DCAF10: variants seen among roughly 807,000 people sequenced by gnomAD.
DCAF10 encodes the protein DDB1 and CUL4 associated factor 10, also known as DDB1- and CUL4-associated factor 10.
DCAF10 carries 19 observed loss-of-function variants against 51.9 expected under a neutral mutation model. The ratio of observed to expected loss-of-function variants is 0.37; its 90% CI spans 0.26 to 0.54. The LOEUF (loss-of-function observed/expected upper bound fraction) is 0.54, where lower values mean the gene tolerates loss of function less well. DCAF10 is among the 20% of genes least tolerant of loss of function. The pLI, the probability that DCAF10 is intolerant of heterozygous loss-of-function variation, is 0.87. For missense variants in DCAF10, 510 were observed against 730.6 expected (o/e 0.70, Z 3.48); for synonymous variants, 291 against 297.1 (o/e 0.98, Z 0.21).
At chr9:37,812,746 G>T (rs1358377460) in intron 1 of DCAF10, among the ~76,000 whole-genome samples, 4 of 152,072 alleles carry the variant, frequency 2.6e-5, no homozygotes, top group African/African-American at 9.7e-5. Context: ...TAATCCTCTT[G>T]CCTCTGCCTT....
chr9:37,851,818 T>C lies in DCAF10; in HGVS notation c.852-2962T>C, dbSNP rs1478498269. On this transcript the variant is annotated intron_variant, in intron 3 of 6. Coordinates refer to ENST00000377724, the MANE Select transcript of DCAF10 (RefSeq NM_024345.5). Reference sequence around the variant, plus strand: ...AAATAAATAAATAAATAAATATATATGAAAATAGATATTGAAAAGTTACCC... The same window carrying C: ...AAATAAATAAATAAATAAATATATACGAAAATAGATATTGAAAAGTTACCC... Among the ~76,000 whole-genome samples the C allele has an allele frequency of 8.7e-5, 13 of 149,388 alleles. No homozygotes were observed. In the South Asian group the frequency reaches 2.4e-3, roughly 27 times the overall value.
chr9:37,862,035 ATGTTTATCTATAT>A lies in DCAF10; in HGVS notation c.*530_*542del, dbSNP rs1831034656. 6.5e-6 allele frequency: 1 copy of A among 154,158 alleles called. No homozygotes were observed. The highest frequency in any genetic ancestry group is 6.4e-5 in the Admixed American group (1 of 15,704). The allele number at this position is 154,158 out of a possible 1,614,324, so 9.5% of individuals were successfully genotyped here. A position where few individuals can be genotyped will look rare whatever the true frequency, so the allele number is the denominator to read the frequency against. ...TACTTGGCCTTTTAAAGTTACTGTT[ATGTTTATCTATAT>A]TGAGCACAGATAATGGCATTATTCT... On this transcript the variant is annotated 3_prime_UTR_variant, in exon 7 of 7. Transcript: ENST00000377724.
chr9:37,807,243 A>G (rs1217693688), intron 1 of DCAF10, among the ~76,000 whole-genome samples: 1 of 152,134 alleles, frequency 6.6e-6, no homozygotes, highest in African/African-American at 2.4e-5. Context: ...GCACTTTGGG[A>G]GGCTGAAGGT....
At chr9:37,822,404 GATATATATAT>G (rs59549239) in intron 2 of DCAF10, among the ~76,000 whole-genome samples, 5,265 of 124,486 alleles carry the variant, frequency 0.042, 200 homozygotes, top group South Asian at 0.059. Flanking sequence ...AAGAAACTGT[GATATATATAT>G]ATATATATAT....
chr9:37,850,532 A>C (rs1564048306), intron 3 of DCAF10, among the ~76,000 whole-genome samples: 1 of 152,142 alleles, frequency 6.6e-6, no homozygotes, highest in East Asian at 1.9e-4. Flanking sequence ...AGGCTCAGAA[A>C]GACAAATATC....
In DCAF10 at chr9:37,801,469, C is replaced by A; in HGVS notation, c.539+64C>A. ...CCCGGCTCTGCTGCCAGCGGACGGC[C>A]GTCCTGGGCTCGCTCCCCGCGCCCG... On this transcript the variant is annotated intron_variant, in intron 1 of 6. Coordinates refer to ENST00000377724, the MANE Select transcript of DCAF10 (RefSeq NM_024345.5). The surrounding 1 kb of genome is among the most constrained non-coding windows in gnomAD (Gnocchi z 5.5). 1 of 1,353,036 alleles carries A rather than the reference C, an allele frequency of 7.4e-7. No individual in the cohort carries two copies. Among genetic ancestry groups the A allele is most frequent in the East Asian group, 3.1e-5 (1 of 32,236 alleles). The allele number at this position is 1,353,036 out of a possible 1,614,324, so 83.8% of individuals were successfully genotyped here.
intron 1 of DCAF10, among the ~76,000 whole-genome samples, chr9:37,803,404 A>G (rs1829016224): frequency 1.3e-5 from 2 of 151,752 alleles, no homozygotes; most frequent in Non-Finnish European, 2.9e-5. Context: ...AACCTCTTTG[A>G]ACAAATATTT....
rs758571904 is a variant in DCAF10, at chr9:37,842,212, C to T, written c.777C>T (p.Ile259=). 1.1e-5 allele frequency: 17 copies of T among 1,613,762 alleles called. No individual in the cohort carries two copies. Among genetic ancestry groups the T allele is most frequent in the Non-Finnish European group, 1.4e-5 (17 of 1,179,912 alleles). Residue 259 remains isoleucine (I), a synonymous_variant, in exon 3 of 7, where the codon ATC becomes ATT. Coordinates refer to ENST00000377724, the MANE Select transcript of DCAF10 (RefSeq NM_024345.5). The part of the protein sequence containing the change: ...LHGHTSWVKN[I]EYDTNTRLLV... Reference sequence around the variant, plus strand: ...GTCACACTAGCTGGGTGAAGAACATCGAATATGATACTAATACAAGACTCT... The same window carrying T: ...GTCACACTAGCTGGGTGAAGAACATTGAATATGATACTAATACAAGACTCT...
chr9:37,857,243 T>G lies in DCAF10; in HGVS notation c.1057T>G (p.Leu353Val). The G allele has an allele frequency of 6.3e-7, 1 of 1,589,798 alleles. No homozygotes were observed. The highest frequency in any genetic ancestry group is 8.5e-7 in the Non-Finnish European group (1 of 1,171,878). Residue 353 changes from leucine to valine, a missense_variant and splice_region_variant, in exon 5 of 7, where the codon TTG becomes GTG. This residue lies in a region of DCAF10 where 126 missense variants were observed against 271.5 expected (regional missense o/e 0.46). Transcript: ENST00000377724. ...TCAGAATTTTTTATATTTTTAAGAT[T>G]TGACCACTTCATCAAGTTCATCTGG... ...RARRTTSSSDLTTSSSSSGPR... is the reference protein window; with the variant it reads ...RARRTTSSSDVTTSSSSSGPR...
At chr9:37,841,573 TAA>T (rs1004112514) in intron 2 of DCAF10, among the ~76,000 whole-genome samples, 1 of 152,234 alleles carries the variant, frequency 6.6e-6, no homozygotes, top group Non-Finnish European at 1.5e-5. Context: ...ACCTTTCAGT[TAA>T]AAGATTTAAA....
rs776798375 is a variant in DCAF10 at position 37,864,277 on chromosome 9, T to A, written c.*2769T>A. ...CTCCACCCTGGGCAATAGAGCCAGA[T>A]CCTGTCTCAAAAAATAAAAATAGAC... is the stretch of plus-strand genomic sequence containing the variant. On this transcript the variant is annotated 3_prime_UTR_variant, in exon 7 of 7. Transcript: ENST00000377724. The A allele has an allele frequency of 6.9e-6, 1 of 144,306 alleles. No individual in the cohort carries two copies. Among genetic ancestry groups the A allele is most frequent in the Non-Finnish European group, 1.5e-5 (1 of 66,450 alleles). The allele number at this position is 144,306 out of a possible 1,614,324, so 8.9% of individuals were successfully genotyped here. A position where few individuals can be genotyped will look rare whatever the true frequency, so the allele number is the denominator to read the frequency against.
At chr9:37,805,822 C>T (rs74754666) in intron 1 of DCAF10, among the ~76,000 whole-genome samples, 1,870 of 152,342 alleles carry the variant, frequency 0.012, 34 homozygotes, top group African/African-American at 0.043. Context: ...CAGTGGCTCA[C>T]GCCTACAATC....
In DCAF10 at chr9:37,841,081, T is replaced by A. The variant is rs528470403; in HGVS notation, c.654-1008T>A. On this transcript the variant is annotated intron_variant, in intron 2 of 6. Transcript: ENST00000377724. ...ACAACAAAATCACCTAAGGACACAT[T>A]TCTCAGAATGTATTCCATCATTAAG... 5.3e-5 allele frequency among the ~76,000 whole-genome samples: 8 copies of A among 152,316 alleles called. No homozygotes were observed. In the South Asian group the frequency reaches 1.4e-3, roughly 28 times the overall value.
At chr9:37,856,097 G>A (rs1295302270) in intron 4 of DCAF10, among the ~76,000 whole-genome samples, 1 of 152,074 alleles carries the variant, frequency 6.6e-6, no homozygotes, top group Non-Finnish European at 1.5e-5. Flanking sequence ...GCAGCAGTGA[G>A]CCATGATTGT....
At chr9:37,835,713 T>C (rs1830143149) in intron 2 of DCAF10, among the ~76,000 whole-genome samples, 1 of 152,188 alleles carries the variant, frequency 6.6e-6, no homozygotes, top group Non-Finnish European at 1.5e-5. Context: ...CACTCCAGCC[T>C]GGGCAACAAG....
chr9:37,857,798 G>A (rs994044398), intron 5 of DCAF10, among the ~76,000 whole-genome samples: 3 of 152,130 alleles, frequency 2.0e-5, no homozygotes, highest in African/African-American at 7.2e-5. Flanking sequence ...AGGGTTTGTA[G>A]GATAAAGTGA....
At chr9:37,805,746 C>T (rs905908879) in intron 1 of DCAF10, among the ~76,000 whole-genome samples, 1 of 152,076 alleles carries the variant, frequency 6.6e-6, no homozygotes, top group Non-Finnish European at 1.5e-5. Flanking sequence ...TAAATCCAAA[C>T]ATTACTAGTT....
intron 4 of DCAF10, 89 bp from the exon 5 acceptor site, chr9:37,857,150 TAA>T: frequency 1.9e-6 from 2 of 1,047,250 alleles, no homozygotes; most frequent in Non-Finnish European, 2.7e-6. Context: ...TTCAAAATTT[TAA>T]AACTATGGTT....
chr9:37,801,173 A>C lies in DCAF10; in HGVS notation c.307A>C (p.Arg103=). 1 of 1,540,844 alleles carries C rather than the reference A, an allele frequency of 6.5e-7. No individual in the cohort carries two copies. The change falls in exon 1 of 7, where the codon AGG becomes CGG. Residue 103 remains arginine (R), a synonymous_variant. Coordinates refer to ENST00000377724, the MANE Select transcript of DCAF10 (RefSeq NM_024345.5). The surrounding 1 kb of genome is among the most constrained non-coding windows in gnomAD (Gnocchi z 5.5). ...GTGCCGGCGGCCCGGGCCAGACTGC[A>C]GGGCCAAGAGCCGGGGCCGACACGG... ...PPCRRPGPDC[R]AKSRGRHGLG...
Sources: gnomAD v4.1 joint callset for allele counts (sites outside exome capture counted in the v4.1 genomes callset) on GRCh38, gnomAD v4.1.1 for gene constraint, gnomAD v4.1.1 regional missense constraint, Gnocchi (gnomAD v3.1) non-coding constraint, MANE v1.5 for transcripts, NCBI Gene and HGNC (gene_info 2026-07-23, HGNC 2026-07-21) for gene names.